TNS3: variants seen among roughly 807,000 people sequenced by gnomAD.
TNS3 encodes tensin 3, also known as tensin-3.
In TNS3, 45 loss-of-function variants were observed where a neutral mutation model predicts 140.9. The observed-to-expected ratio is 0.32, with a 90% CI of 0.25 to 0.41. The LOEUF is 0.41. Among genes scored for constraint, TNS3 ranks in the 10% least tolerant of loss-of-function variants. The pLI, the probability that TNS3 is intolerant of heterozygous loss-of-function variation, is 1.00. For synonymous variants in TNS3, 815 were observed against 788.4 expected (o/e 1.03, Z -0.56); for missense variants, 1,716 against 1,906.7 (o/e 0.90, Z 1.86).
At chr7:47,435,198 G>C (rs1795117802) in intron 8 of TNS3, 84 bp downstream of exon 8, 5 of 1,565,584 alleles carry the variant, frequency 3.2e-6, no homozygotes, top group Non-Finnish European at 4.3e-6. Flanking sequence ...GCGGAAATGT[G>C]CTCAGATGCA....
At chr7:47,517,464 C>A (rs73695375) in intron 2 of TNS3, among the ~76,000 whole-genome samples, 3,129 of 152,298 alleles carry the variant, frequency 0.021, 117 homozygotes, top group African/African-American at 0.071. Flanking sequence ...ACCTTCACCA[C>A]CTCCAACAAA....
intron 4 of TNS3, among the ~76,000 whole-genome samples, chr7:47,474,329 C>A (rs546458746): frequency 1.3e-5 from 2 of 148,958 alleles, no homozygotes; most frequent in African/African-American, 5.0e-5. Flanking sequence ...ATAACCCACA[C>A]AACACACACA....
chr7:47,374,709 A>G (rs376871947), intron 16 of TNS3, among the ~76,000 whole-genome samples: 1 of 152,256 alleles, frequency 6.6e-6, no homozygotes, highest in Non-Finnish European at 1.5e-5. Context: ...ATCCATCATT[A>G]AAGAATACCC....
intron 4 of TNS3, chr7:47,470,316 TC>T (rs1796899306): frequency 4.5e-6 from 2 of 444,822 alleles, no homozygotes; most frequent in Non-Finnish European, 6.0e-6. Context: ...ACATGTACAC[TC>T]TATATCTAAA....
At chr7:47,370,168 C>G (rs191262400) in intron 16 of TNS3, among the ~76,000 whole-genome samples, 1 of 152,008 alleles carries the variant, frequency 6.6e-6, no homozygotes, top group Non-Finnish European at 1.5e-5. Flanking sequence ...CCCAGCTACT[C>G]GGGAGGCTGA....
chr7:47,524,777 C>A (rs1185726819), intron 2 of TNS3, among the ~76,000 whole-genome samples: 96 of 126,628 alleles, frequency 7.6e-4, no homozygotes, highest in African/African-American at 2.8e-3. Context: ...AGTCCGCAGT[C>A]CGGCCTGGGC....
At chr7:47,393,694 A>G (rs1413880574) in intron 16 of TNS3, among the ~76,000 whole-genome samples, 1 of 152,064 alleles carries the variant, frequency 6.6e-6, no homozygotes, top group African/African-American at 2.4e-5. Context: ...CTCTGCCCAT[A>G]AAGGGGGTCT....
intron 3 of TNS3, among the ~76,000 whole-genome samples, chr7:47,481,472 C>T (rs769823662): frequency 1.3e-5 from 2 of 152,256 alleles, no homozygotes; most frequent in South Asian, 4.1e-4. Flanking sequence ...TGAGTCGGTC[C>T]GTGCTTGGGG....
chr7:47,422,780 C>G (rs1794444283), intron 10 of TNS3, among the ~76,000 whole-genome samples: 1 of 152,032 alleles, frequency 6.6e-6, no homozygotes, highest in African/African-American at 2.4e-5. Context: ...ATGGGTTACT[C>G]CCTATTTACA....
chr7:47,558,768 C>T (rs1351183984), intron 1 of TNS3, among the ~76,000 whole-genome samples: 1 of 152,176 alleles, frequency 6.6e-6, no homozygotes, highest in Non-Finnish European at 1.5e-5. Flanking sequence ...CACACAGCCA[C>T]CCTATGGGAC....
At chr7:47,399,781 C>T (rs530995848) in intron 15 of TNS3, among the ~76,000 whole-genome samples, 1 of 152,308 alleles carries the variant, frequency 6.6e-6, no homozygotes, top group South Asian at 2.1e-4. Context: ...TAATCCATGA[C>T]TAAGACCCCA....
chr7:47,467,273 G>A (rs1392799048), intron 4 of TNS3, among the ~76,000 whole-genome samples: 1 of 152,198 alleles, frequency 6.6e-6, no homozygotes, highest in Non-Finnish European at 1.5e-5. Flanking sequence ...TCATCACGCT[G>A]GGAAACGAAG....
rs1793785741 is a variant in TNS3, at chr7:47,411,784, G to C, written c.666C>G (p.Asn222Lys). ...CGATGACGATGCAGATCCTGCTGGG[G>C]TTTTCTGGGCCAACGTTGCTTTGGG... ...TSGIYNVGPENPSRICIVIEP... is the reference protein window; with the variant it reads ...TSGIYNVGPEKPSRICIVIEP... Residue 222 changes from asparagine to lysine, a missense_variant, in exon 13 of 31, where the codon AAC becomes AAG. Around this residue, in one of 3 missense-constraint regions of TNS3, gnomAD observed 337 missense variants for 428.9 expected, o/e 0.79. Coordinates refer to ENST00000311160, the MANE Select transcript of TNS3 (RefSeq NM_022748.12). 6.2e-7 allele frequency: 1 copy of C among 1,613,422 alleles called. No homozygotes were observed. Among genetic ancestry groups the C allele is most frequent in the Non-Finnish European group, 8.5e-7 (1 of 1,179,808 alleles).
intron 16 of TNS3, among the ~76,000 whole-genome samples, chr7:47,380,566 T>C (rs1791691790): frequency 6.6e-6 from 1 of 152,208 alleles, no homozygotes; most frequent in South Asian, 2.1e-4. Context: ...GGTTAAAGCA[T>C]CCGTTCTGCT....
At chr7:47,532,220 G>T (rs1342008084) in intron 1 of TNS3, among the ~76,000 whole-genome samples, 1 of 152,152 alleles carries the variant, frequency 6.6e-6, no homozygotes, top group Admixed American at 6.5e-5. Flanking sequence ...TGGGCAGAAG[G>T]GGGTGGGTCC....
intron 4 of TNS3, among the ~76,000 whole-genome samples, chr7:47,477,126 C>T (rs117088009): frequency 7.2e-4 from 109 of 152,248 alleles, no homozygotes; most frequent in Non-Finnish European, 1.1e-3. Flanking sequence ...TGACAGACAC[C>T]CTTACAGTCC....
rs182301273 is a variant in TNS3, at chr7:47,493,092, T to C, written c.-114-11951A>G. Among the ~76,000 whole-genome samples the C allele has an allele frequency of 2.0e-5, 3 of 152,316 alleles. No homozygotes were observed. In the East Asian group the frequency reaches 5.8e-4, roughly 29 times the overall value. The stretch of plus-strand genomic sequence containing the variant: ...GTTGCTAATGACAAGGCAGAGGAAG[T>C]GGTCACCCCTAGGGAGGGGATGCCC... On this transcript the variant is annotated intron_variant, in intron 3 of 30. Coordinates refer to ENST00000311160, the MANE Select transcript of TNS3 (RefSeq NM_022748.12).
intron 27 of TNS3, among the ~76,000 whole-genome samples, chr7:47,284,907 C>T (rs1037155946): frequency 2.0e-5 from 3 of 152,272 alleles, no homozygotes; most frequent in East Asian, 1.9e-4. Context: ...GGGTAGGCAG[C>T]CCTGGGAAGC....
intron 28 of TNS3, 55 bp from the exon 29 acceptor site, chr7:47,280,409 T>C (rs1785081630): frequency 1.3e-6 from 2 of 1,541,826 alleles, no homozygotes; most frequent in South Asian, 1.1e-5. Context: ...TTTTGGGTGA[T>C]GGGGGATGCA....
Sources: gnomAD v4.1 joint callset for allele counts (sites outside exome capture counted in the v4.1 genomes callset) on GRCh38, gnomAD v4.1.1 for gene constraint, gnomAD v4.1.1 regional missense constraint, MANE v1.5 for transcripts, NCBI Gene and HGNC (gene_info 2026-07-23, HGNC 2026-07-21) for gene names.